The following WDR88 variants were observed in gnomAD, a reference collection of about 807,000 sequenced individuals.
WDR88 encodes the protein WD repeat-containing protein 88.
Under a neutral mutation model 46.8 loss-of-function variants are expected in WDR88, and 40 were observed. That is an observed-to-expected ratio of 0.86 (90% CI 0.66 to 1.11). WDR88 has a LOEUF of 1.11. WDR88 is among the 50% of genes most tolerant of loss of function. The pLI is 0.00. For missense variants in WDR88, 562 were observed against 602.4 expected, an observed-to-expected ratio of 0.93 and a Z score of 0.70; for synonymous variants, 235 against 240.7, an observed-to-expected ratio of 0.98 and a Z score of 0.22.
intron 8 of WDR88, 121 bp from the exon 9 acceptor site, chr19:33,164,076 C>G: frequency 2.5e-6 from 2 of 808,686 alleles, no homozygotes; most frequent in Non-Finnish European, 2.1e-6. Flanking sequence ...CTCAGGTGAC[C>G]CTCCCGACTC....
chr19:33,142,435 A>G (rs1158767409), intron 2 of WDR88, among the ~76,000 whole-genome samples: 1 of 151,942 alleles, frequency 6.6e-6, no homozygotes, highest in African/African-American at 2.4e-5. Flanking sequence ...GGTGGGGAAC[A>G]CTTGGATGCA....
intron 5 of WDR88, among the ~76,000 whole-genome samples, chr19:33,149,936 G>C (rs1373809201): frequency 6.6e-6 from 1 of 151,828 alleles, no homozygotes; most frequent in African/African-American, 2.4e-5. Flanking sequence ...CTGGGATTAC[G>C]GGCATGAGCC....
chr19:33,169,166 T>C (rs1973997964), intron 9 of WDR88, among the ~76,000 whole-genome samples: 1 of 152,206 alleles, frequency 6.6e-6, no homozygotes, highest in Admixed American at 6.6e-5. Flanking sequence ...AAAATCTTCA[T>C]GATACTGACT....
intron 9 of WDR88, among the ~76,000 whole-genome samples, chr19:33,171,806 C>T (rs1000577607): frequency 1.3e-5 from 2 of 152,170 alleles, no homozygotes; most frequent in Non-Finnish European, 2.9e-5. Flanking sequence ...CAGAGTCTCA[C>T]TCTGTCGCAC....
rs1324565152 is a variant in WDR88, at chr19:33,175,671, C to G, written c.*99C>G. ...TCTCTTGGGCCCCTCCCAGGCTCAG[C>G]AGGCCTGTCAGACTGGGGCAGGACC... On this transcript the variant is annotated 3_prime_UTR_variant, in exon 11 of 11. Coordinates refer to ENST00000355868, the MANE Select transcript of WDR88 (RefSeq NM_173479.4). 19 of 1,444,228 alleles carry G rather than the reference C, an allele frequency of 1.3e-5. No individual in the cohort carries two copies. Among genetic ancestry groups the G allele is most frequent in the Non-Finnish European group, 1.7e-5 (18 of 1,054,738 alleles). 89.5% of individuals were successfully genotyped at this position (1,444,228 alleles called of 1,614,324 possible).
At chr19:33,137,644 A>T in intron 1 of WDR88, 33 bp from the exon 2 acceptor site, 3 of 1,552,670 alleles carry the variant, frequency 1.9e-6, no homozygotes, top group Non-Finnish European at 2.7e-6. Flanking sequence ...GTCCTGCAAC[A>T]TGTTTAGCTC....
At chr19:33,157,643 G>T (rs8103691) in intron 7 of WDR88, among the ~76,000 whole-genome samples, 2 of 126,518 alleles carry the variant, frequency 1.6e-5, no homozygotes, top group African/African-American at 6.4e-5. Context: ...GTATATATGT[G>T]TGTGTGTATG....
rs1300787445 is a variant in WDR88, at chr19:33,167,754, C to T, written c.1149+3489C>T. ...CTTCCCTCCTCTTTTCTCTTCTCTC[C>T]TCTCCTCCTCTCTCCTCTCCTCTCT... On this transcript the variant is annotated intron_variant, in intron 9 of 10. Coordinates refer to ENST00000355868, the MANE Select transcript of WDR88 (RefSeq NM_173479.4). Among the ~76,000 whole-genome samples the T allele has an allele frequency of 6.0e-5, 9 of 150,736 alleles. 1 individual carries two copies. In the Admixed American group the frequency reaches 6.0e-4, roughly 10 times the overall value.
chr19:33,157,529 A>ATATATATATGTATATATATGTG (rs1568367311), intron 7 of WDR88, among the ~76,000 whole-genome samples: 8 of 123,022 alleles, frequency 6.5e-5, no homozygotes, highest in Admixed American at 2.9e-4. Flanking sequence ...ATATGTGTAT[A>ATATATATATGTATATATATGTG]TATATATATA....
In WDR88 at chr19:33,154,257, G is replaced by A. The variant is rs1252071473; in HGVS notation, c.810-2098G>A. Among the ~76,000 whole-genome samples, 3 of 152,016 alleles carry A rather than the reference G, an allele frequency of 2.0e-5. No homozygotes were observed. The East Asian group carries it at 5.8e-4, about 29-fold the overall frequency. ...GTTCCAGGACACATGTGCAGAATGTGCAGGTTTGTTACATAGGTACACATG... is the reference window on the plus strand; with the variant it reads ...GTTCCAGGACACATGTGCAGAATGTACAGGTTTGTTACATAGGTACACATG... On this transcript the variant is annotated intron_variant, in intron 6 of 10. Coordinates refer to ENST00000355868, the MANE Select transcript of WDR88 (RefSeq NM_173479.4).
intron 8 of WDR88, among the ~76,000 whole-genome samples, chr19:33,163,464 C>G (rs1973903032): frequency 6.6e-6 from 1 of 152,100 alleles, no homozygotes; most frequent in Middle Eastern, 3.2e-3. Flanking sequence ...CCATTGCACT[C>G]CAGCCTGGGC....
intron 6 of WDR88, among the ~76,000 whole-genome samples, chr19:33,155,376 A>G (rs1330314885): frequency 6.6e-6 from 1 of 152,218 alleles, no homozygotes; most frequent in Non-Finnish European, 1.5e-5. Flanking sequence ...CCTGGGCTCA[A>G]GCAATCCTTC....
At chr19:33,134,840 A>ACCCCCCCCCCCCCCCCCCCCCCCC (rs766617576) in intron 1 of WDR88, among the ~76,000 whole-genome samples, 3 of 62,408 alleles carry the variant, frequency 4.8e-5, no homozygotes, top group African/African-American at 5.5e-5. Flanking sequence ...CGTCCCCGAC[A>ACCCCCCCCCCCCCCCCCCCCCCCC]CCCCCCCCCC....
chr19:33,166,282 CAAAA>C (rs34053341), intron 9 of WDR88, among the ~76,000 whole-genome samples: 3,790 of 55,454 alleles, frequency 0.068, 71 homozygotes, highest in East Asian at 0.2. Context: ...GTTGTGGTCT[CAAAA>C]AAAAAAAAAA....
intron 2 of WDR88, chr19:33,142,878 A>AAAAAAAG (rs1289318961): frequency 4.4e-4 from 63 of 142,968 alleles, no homozygotes; most frequent in African/African-American, 1.6e-3. Context: ...AAAAAAAAAA[A>AAAAAAAG]AAGGCCGGGG....
intron 1 of WDR88, 133 bp downstream of exon 1, chr19:33,132,578 TC>T: frequency 7.4e-7 from 1 of 1,350,672 alleles, no homozygotes; most frequent in Non-Finnish European, 9.9e-7. Context: ...TAGGCCCATT[TC>T]CCCATCTGTG....
At chr19:33,156,950 C>T (rs1468263249) in intron 7 of WDR88, among the ~76,000 whole-genome samples, 1 of 152,172 alleles carries the variant, frequency 6.6e-6, no homozygotes, top group Non-Finnish European at 1.5e-5. Context: ...AATCCCAATG[C>T]TTTGGGAGGC....
intron 8 of WDR88, among the ~76,000 whole-genome samples, chr19:33,162,850 C>T (rs1692663679): frequency 6.6e-6 from 1 of 151,054 alleles, no homozygotes; most frequent in Non-Finnish European, 1.5e-5. Context: ...CTGCTACACT[C>T]CAGCCTGGGG....
intron 7 of WDR88, among the ~76,000 whole-genome samples, chr19:33,159,398 T>A (rs1973824862): frequency 6.6e-6 from 1 of 151,670 alleles, no homozygotes; most frequent in Admixed American, 6.6e-5. Context: ...AATAAAATGA[T>A]CCCTAACCAC....
Sources: gnomAD v4.1 joint callset for allele counts (sites outside exome capture counted in the v4.1 genomes callset) on GRCh38, gnomAD v4.1.1 for gene constraint, MANE v1.5 for transcripts, NCBI Gene and HGNC (gene_info 2026-07-23, HGNC 2026-07-21) for gene names.